Variants in CALCR observed in about 807,000 individuals in gnomAD.
CALCR encodes calcitonin receptor.
Under a neutral mutation model 59.5 loss-of-function variants are expected in CALCR, and 47 were observed. The ratio of observed to expected loss-of-function variants is 0.79; its 90% confidence interval spans 0.63 to 1.01. The LOEUF (loss-of-function observed/expected upper bound fraction) is 1.01. Ranked by LOEUF, CALCR falls within the 50% of genes least tolerant of loss-of-function variation. The pLI is 0.00. For missense variants in CALCR, 566 were observed against 597.1 expected, an observed-to-expected ratio of 0.95 and a Z score of 0.54; for synonymous variants, 213 against 211.3, an observed-to-expected ratio of 1.01 and a Z score of -0.07.
intron 2 of CALCR, among the ~76,000 whole-genome samples, chr7:93,537,492 T>C (rs1040775864): frequency 1.3e-5 from 2 of 151,870 alleles, no homozygotes; most frequent in African/African-American, 2.4e-5. Context: ...TTTAGTTCTA[T>C]AGTATACATT....
At chr7:93,430,686 A>C (rs1466081038) in intron 13 of CALCR, among the ~76,000 whole-genome samples, 1 of 152,172 alleles carries the variant, frequency 6.6e-6, no homozygotes, top group Non-Finnish European at 1.5e-5. Flanking sequence ...GTGGTTCTTA[A>C]AGTGAAGTCT....
chr7:93,439,226 C>G (rs535415747), intron 9 of CALCR, among the ~76,000 whole-genome samples: 17 of 152,158 alleles, frequency 1.1e-4, no homozygotes, highest in African/African-American at 4.1e-4. Context: ...GAATTTTCAC[C>G]TAAGAACAAC....
At chr7:93,430,876 AATT>A (rs1353063054) in intron 13 of CALCR, among the ~76,000 whole-genome samples, 1 of 152,204 alleles carries the variant, frequency 6.6e-6, no homozygotes, top group Non-Finnish European at 1.5e-5. Context: ...GAACAAGGAA[AATT>A]ATTGCTTAGC....
intron 2 of CALCR, among the ~76,000 whole-genome samples, chr7:93,557,563 T>C (rs1789640575): frequency 6.6e-6 from 1 of 151,914 alleles, no homozygotes; most frequent in Non-Finnish European, 1.5e-5. Flanking sequence ...GACATATTAT[T>C]ATTTTCAGAA....
intron 3 of CALCR, among the ~76,000 whole-genome samples, chr7:93,479,825 A>G (rs1800755450): frequency 6.6e-6 from 1 of 151,960 alleles, no homozygotes; most frequent in Non-Finnish European, 1.5e-5. Flanking sequence ...GAAGTAAACA[A>G]AACAAATAAT....
intron 8 of CALCR, among the ~76,000 whole-genome samples, chr7:93,459,772 G>A (rs1269922376): frequency 4.6e-5 from 7 of 152,172 alleles, no homozygotes; most frequent in African/African-American, 9.6e-5. Flanking sequence ...GACAAATATG[G>A]GTTATTCTGA....
At chr7:93,474,165 A>C (rs1305435962) in intron 5 of CALCR, among the ~76,000 whole-genome samples, 1 of 151,698 alleles carries the variant, frequency 6.6e-6, no homozygotes, top group Non-Finnish European at 1.5e-5. Flanking sequence ...TATATATCTG[A>C]GATTCTGGGT....
intron 2 of CALCR, among the ~76,000 whole-genome samples, chr7:93,536,542 TTTTTA>T (rs1393688825): frequency 2.1e-5 from 3 of 145,374 alleles, no homozygotes; most frequent in African/African-American, 7.3e-5. Flanking sequence ...TTTTATTTTA[TTTTTA>T]ATTTTATCAT....
At chr7:93,540,626 T>G in intron 2 of CALCR, among the ~76,000 whole-genome samples, 1 of 151,270 alleles carries the variant, frequency 6.6e-6, no homozygotes, top group Admixed American at 6.6e-5. Flanking sequence ...TTGTTTTATC[T>G]CTAACTGTCC....
At chr7:93,569,116 T>A (rs1470199332) in intron 2 of CALCR, among the ~76,000 whole-genome samples, 1 of 151,794 alleles carries the variant, frequency 6.6e-6, no homozygotes, top group Non-Finnish European at 1.5e-5. Context: ...GAGGCCCTAA[T>A]TGATTCTTCC....
At chr7:93,464,466 G>C (rs1230017317) in intron 7 of CALCR, among the ~76,000 whole-genome samples, 1 of 151,792 alleles carries the variant, frequency 6.6e-6, no homozygotes, top group Non-Finnish European at 1.5e-5. Context: ...CATTTACCTA[G>C]GATCACGTGT....
At chr7:93,435,829 AAT>A in intron 12 of CALCR, 121 bp downstream of exon 12, 1 of 209,216 alleles carries the variant, frequency 4.8e-6, no homozygotes, top group Non-Finnish European at 7.6e-6. Context: ...TAAAATAATA[AAT>A]AAATAAATAA....
chr7:93,427,993 A>T (rs1019910189), intron 13 of CALCR, among the ~76,000 whole-genome samples: 1 of 152,116 alleles, frequency 6.6e-6, no homozygotes, highest in African/African-American at 2.4e-5. Flanking sequence ...TGGAGGCAAC[A>T]CATCCTGAGT....
chr7:93,567,678 C>A (rs1339824387), intron 2 of CALCR, among the ~76,000 whole-genome samples: 1 of 151,998 alleles, frequency 6.6e-6, no homozygotes, highest in African/African-American at 2.4e-5. Context: ...TTAGGTATTT[C>A]TTCTGATGCT....
chr7:93,468,870 T>G, intron 6 of CALCR, 64 bp from the exon 7 acceptor site: 1 of 873,736 alleles, frequency 1.1e-6, no homozygotes, highest in Non-Finnish European at 1.7e-6. Flanking sequence ...GAAAATCATT[T>G]CTATTTCTAA....
intron 2 of CALCR, among the ~76,000 whole-genome samples, chr7:93,507,976 G>A (rs1228706993): frequency 1.3e-5 from 2 of 151,320 alleles, no homozygotes; most frequent in Non-Finnish European, 2.9e-5. Flanking sequence ...AGATGAAGAA[G>A]ACAACCTTTC....
At chr7:93,548,042 C>G (rs1789339995) in intron 2 of CALCR, among the ~76,000 whole-genome samples, 1 of 152,144 alleles carries the variant, frequency 6.6e-6, no homozygotes, top group South Asian at 2.1e-4. Context: ...GAAATACTTT[C>G]TAAGGGATGG....
At chr7:93,538,564 A>C (rs1789050650) in intron 2 of CALCR, among the ~76,000 whole-genome samples, 1 of 151,944 alleles carries the variant, frequency 6.6e-6, no homozygotes, top group African/African-American at 2.4e-5. Flanking sequence ...TCTGTTTCTC[A>C]ATCTTTAAAA....
At chr7:93,561,846 T>C (rs978215166) in intron 2 of CALCR, among the ~76,000 whole-genome samples, 25 of 152,210 alleles carry the variant, frequency 1.6e-4, no homozygotes, top group Admixed American at 1.5e-3. Context: ...AAACAGGCCC[T>C]GGGTAAAAAT....
Sources: allele counts gnomAD v4.1 joint callset (sites outside exome capture counted in the v4.1 genomes callset), GRCh38; gene constraint gnomAD v4.1.1; transcripts MANE v1.5; gene names NCBI Gene and HGNC (gene_info 2026-07-23, HGNC 2026-07-21).